IFT140: variants seen among roughly 807,000 people sequenced by gnomAD.
The protein encoded by IFT140 is intraflagellar transport protein 140 homolog.
A neutral mutation model predicts 164.6 loss-of-function variants in IFT140; 133 were observed. The observed-to-expected ratio is 0.81, with a 90% CI of 0.70 to 0.93. The LOEUF (loss-of-function observed/expected upper bound fraction) is 0.93. IFT140 is among the 40% of genes least tolerant of loss of function. The pLI, the probability that IFT140 is intolerant of heterozygous loss-of-function variation, is 0.00. For missense variants in IFT140, 2,045 were observed against 1,972.3 expected (o/e 1.04, Z -0.70); for synonymous variants, 860 against 817.3 (o/e 1.05, Z -0.89).
chr16:1,568,247 G>A lies in IFT140; in HGVS notation c.1740C>T (p.Ser580=), dbSNP rs1314445049. 17 of 1,609,448 alleles carry A rather than the reference G, an allele frequency of 1.1e-5. No homozygotes were observed. Among genetic ancestry groups the A allele is most frequent in the East Asian group, 4.5e-5 (2 of 44,756 alleles). Residue 580 remains serine, a synonymous_variant, in exon 15 of 31, where the codon AGC becomes AGT. Transcript: ENST00000426508. ...GGIASLRCSS[S]GSTISILPSK... Reference sequence around the variant, plus strand: ...TGGGGAGGATGCTGATGGTGCTCCCGCTGCTGCTGCACCGCAGAGAAGCGA... The same window carrying A: ...TGGGGAGGATGCTGATGGTGCTCCCACTGCTGCTGCACCGCAGAGAAGCGA...
intron 22 of IFT140, 60 bp from the exon 23 acceptor site, chr16:1,524,976 C>G (rs1206694137): frequency 1.3e-6 from 2 of 1,559,418 alleles, no homozygotes; most frequent in Non-Finnish European, 1.7e-6. Context: ...CCGGGACGGC[C>G]CCCACCCCGC....
rs749116340 is a variant in IFT140, at chr16:1,520,360, C to T, written c.3661-17G>A. ...CCTCATGGCCTAGGCAGAGAGACAGCGGGGCTCAGGCAAGCAGGGGCTGGG... is the reference window on the plus strand; with the variant it reads ...CCTCATGGCCTAGGCAGAGAGACAGTGGGGCTCAGGCAAGCAGGGGCTGGG... On this transcript the variant is annotated splice_polypyrimidine_tract_variant and intron_variant, in intron 27 of 30. Coordinates refer to ENST00000426508, the MANE Select transcript of IFT140 (RefSeq NM_014714.4). 1.2e-5 allele frequency: 19 copies of T among 1,612,622 alleles called. No homozygotes were observed. Among genetic ancestry groups the T allele is most frequent in the African/African-American group, 2.7e-5 (2 of 74,932 alleles).
At chr16:1,555,162 C>G in intron 19 of IFT140, 1 of 1,107,798 alleles carries the variant, frequency 9.0e-7, no homozygotes, top group Non-Finnish European at 1.3e-6. Context: ...CTGCGCCATG[C>G]GTGCGAGACA....
intron 13 of IFT140, chr16:1,578,070 CAT>C (rs2034367165): frequency 6.6e-6 from 1 of 152,176 alleles, no homozygotes; most frequent in African/African-American, 2.4e-5. Context: ...TGCAGGAAAA[CAT>C]GTGGTCGCGG....
chr16:1,547,213 G>A (rs1478101695), intron 19 of IFT140, among the ~76,000 whole-genome samples: 1 of 152,138 alleles, frequency 6.6e-6, no homozygotes, highest in Admixed American at 6.5e-5. Flanking sequence ...AAATTCCCTG[G>A]ACATGACATC....
At chr16:1,530,131 A>ATTTTTTTTTTTTTTTTTT (rs2030295926) in intron 19 of IFT140, among the ~76,000 whole-genome samples, 3 of 126,530 alleles carry the variant, frequency 2.4e-5, no homozygotes, top group African/African-American at 7.4e-5. Context: ...CACGACGGGA[A>ATTTTTTTTTTTTTTTTTT]TCTTTTTTTT....
intron 19 of IFT140, chr16:1,534,103 G>A (rs1356927086): frequency 2.6e-6 from 2 of 760,666 alleles, no homozygotes; most frequent in Non-Finnish European, 4.0e-6. Context: ...GGAGGATAAG[G>A]CCGGGCCGAG....
intron 24 of IFT140, 195 bp from the exon 25 acceptor site, chr16:1,524,151 T>C: frequency 1.4e-6 from 1 of 721,538 alleles, no homozygotes; most frequent in South Asian, 1.9e-5. Context: ...CTCTGGGTTC[T>C]ATTTCACAGA....
chr16:1,518,176 T>C (rs757621464), intron 30 of IFT140, 40 bp downstream of exon 30: 3 of 1,569,098 alleles, frequency 1.9e-6, no homozygotes, highest in Non-Finnish European at 2.6e-6. Flanking sequence ...AGGAGCCTTG[T>C]GTGGCGGGAT....
intron 19 of IFT140, chr16:1,542,177 C>A: frequency 7.7e-7 from 1 of 1,301,152 alleles, no homozygotes; most frequent in Non-Finnish European, 1.0e-6. Context: ...GGGGAAGCTG[C>A]AGGCCATACC....
chr16:1,611,465 C>T (rs1228064778), intron 1 of IFT140, among the ~76,000 whole-genome samples: 5 of 149,366 alleles, frequency 3.3e-5, no homozygotes, highest in Non-Finnish European at 7.4e-5. Flanking sequence ...GGCCACTGCA[C>T]TCCAGCCTGG....
intron 13 of IFT140, among the ~76,000 whole-genome samples, chr16:1,573,470 A>C (rs2034122583): frequency 7.0e-6 from 1 of 143,594 alleles, no homozygotes; most frequent in African/African-American, 2.8e-5. Flanking sequence ...TGACCTCCAG[A>C]GCTTGTATTT....
At chr16:1,575,679 T>C (rs983702439) in intron 13 of IFT140, among the ~76,000 whole-genome samples, 1 of 152,184 alleles carries the variant, frequency 6.6e-6, no homozygotes, top group Admixed American at 6.5e-5. Context: ...TTTCCCATCA[T>C]GCCACTAGTG....
At chr16:1,526,204 G>T in intron 20 of IFT140, 127 bp from the exon 21 acceptor site, 1 of 911,194 alleles carries the variant, frequency 1.1e-6, no homozygotes, top group Non-Finnish European at 1.6e-6. Flanking sequence ...ACACGGGGCC[G>T]CTGTGGGCAC....
rs2036332661 is a variant in IFT140 at position 1,611,975 on chromosome 16, G to A, written c.-229C>T. 1 of 152,258 alleles carries A rather than the reference G, an allele frequency of 6.6e-6. No homozygotes were observed. The highest frequency in any genetic ancestry group is 2.4e-5 in the African/African-American group (1 of 41,456). The allele number at this position is 152,258 out of a possible 1,614,324, so 9.4% of individuals were successfully genotyped here. On this transcript the variant is annotated 5_prime_UTR_variant, in exon 1 of 31. Transcript: ENST00000426508. ...GGAAAGGGTGCGCTTAACTGCCTCAGACGTGCTTCCACACTTCTCAGAACT... is the reference window on the plus strand; with the variant it reads ...GGAAAGGGTGCGCTTAACTGCCTCAAACGTGCTTCCACACTTCTCAGAACT...
intron 30 of IFT140, among the ~76,000 whole-genome samples, chr16:1,516,825 G>T (rs71385704): frequency 2.0e-5 from 3 of 149,468 alleles, no homozygotes; most frequent in Admixed American, 1.3e-4. Context: ...AAGGTTTAAA[G>T]TAACAATAAT....
At chr16:1,588,311 G>A (rs1477146416) in intron 7 of IFT140, among the ~76,000 whole-genome samples, 1 of 152,106 alleles carries the variant, frequency 6.6e-6, no homozygotes, top group Non-Finnish European at 1.5e-5. Context: ...GGATCATGAG[G>A]TCAGGAGATC....
intron 19 of IFT140, chr16:1,554,834 C>T (rs1388370119): frequency 3.7e-6 from 6 of 1,614,200 alleles, no homozygotes; most frequent in Non-Finnish European, 5.1e-6. Context: ...GCCCATACAC[C>T]AACCTGTCCT....
chr16:1,541,990 T>C, intron 19 of IFT140: 1 of 1,611,280 alleles, frequency 6.2e-7, no homozygotes, highest in Non-Finnish European at 8.5e-7. Context: ...CAGCTCACCT[T>C]CCTCCTGGGG....
Sources: allele counts gnomAD v4.1 joint callset (sites outside exome capture counted in the v4.1 genomes callset), GRCh38; gene constraint gnomAD v4.1.1; transcripts MANE v1.5; gene names NCBI Gene and HGNC (gene_info 2026-07-23, HGNC 2026-07-21).